GLIS3: variants seen among roughly 807,000 people sequenced by gnomAD.
GLIS3 encodes zinc finger protein GLIS3.
Under a neutral mutation model 78.6 loss-of-function variants are expected in GLIS3, and 53 were observed. The observed-to-expected ratio is 0.67, with a 90% CI of 0.54 to 0.85. The LOEUF (loss-of-function observed/expected upper bound fraction) is 0.85, where lower values mean the gene tolerates loss of function less well. Ranked by LOEUF, GLIS3 falls within the 40% of genes least tolerant of loss-of-function variation. GLIS3 has a pLI of 0.00. For synonymous variants in GLIS3, 684 were observed against 509.9 expected (o/e 1.34, Z -4.60); for missense variants, 1,703 against 1,231.1 (o/e 1.38, Z -5.74).
chr9:4,016,029 G>T (rs1190107325), intron 4 of GLIS3, among the ~76,000 whole-genome samples: 1 of 151,950 alleles, frequency 6.6e-6, no homozygotes, highest in Non-Finnish European at 1.5e-5. Context: ...TTCAAAGGTT[G>T]TTTGTGGAAG....
chr9:4,123,507 A>G (rs765965425), intron 3 of GLIS3, among the ~76,000 whole-genome samples: 10 of 152,294 alleles, frequency 6.6e-5, no homozygotes, highest in Non-Finnish European at 1.5e-4. Context: ...AATGGGAAAC[A>G]ACTAAGTGCC....
At chr9:4,123,658 A>T (rs1374352603) in intron 3 of GLIS3, 1 of 390,058 alleles carries the variant, frequency 2.6e-6, no homozygotes, top group Non-Finnish European at 4.5e-6. Flanking sequence ...TTAACTGGAA[A>T]AAAGTAATTA....
chr9:4,446,945 A>G, the GLIS3 span, among the ~76,000 whole-genome samples: 1 of 152,108 alleles, frequency 6.6e-6, no homozygotes, highest in Non-Finnish European at 1.5e-5. Flanking sequence ...ACAAACACAT[A>G]CACCAATTTT....
chr9:4,068,834 A>ATG (rs56232754), intron 4 of GLIS3, among the ~76,000 whole-genome samples: 45,724 of 149,616 alleles, frequency 0.31, 7,135 homozygotes, highest in East Asian at 0.39. Flanking sequence ...GCATGTATGC[A>ATG]TGTGTGTGTG....
At chr9:3,866,277 C>T (rs963266339) in intron 8 of GLIS3, among the ~76,000 whole-genome samples, 1 of 152,106 alleles carries the variant, frequency 6.6e-6, no homozygotes, top group African/African-American at 2.4e-5. Context: ...AGTAAACAAA[C>T]AGTGCAATTT....
At chr9:3,948,943 A>G (rs1816486149) in intron 4 of GLIS3, among the ~76,000 whole-genome samples, 2 of 152,190 alleles carry the variant, frequency 1.3e-5, no homozygotes, top group African/African-American at 4.8e-5. Context: ...AAATTATCTA[A>G]TATTATGGTT....
chr9:4,166,685 T>A (rs957030345), intron 2 of GLIS3, among the ~76,000 whole-genome samples: 1 of 152,236 alleles, frequency 6.6e-6, no homozygotes, highest in Non-Finnish European at 1.5e-5. Flanking sequence ...CGGTGTTCTA[T>A]AATTTCACTT....
rs930293766 is a variant in GLIS3, at chr9:4,006,238, C to A, written c.1711-69049G>T. Among the ~76,000 whole-genome samples the A allele has an allele frequency of 2.3e-5, 3 of 132,932 alleles. No individual in the cohort carries two copies. The South Asian group carries it at 7.3e-4, about 32-fold the overall frequency. 87.2% of individuals were successfully genotyped at this position (132,932 alleles called of 152,430 possible). Reference sequence around the variant, plus strand: ...CTCCTTGCCTTGCCTGACAGGTAAACAGCATGAGAGCTCCTTTTACAGATT... The same window carrying A: ...CTCCTTGCCTTGCCTGACAGGTAAAAAGCATGAGAGCTCCTTTTACAGATT... On this transcript the variant is annotated intron_variant, in intron 4 of 10. Transcript: ENST00000381971.
At chr9:4,190,296 C>T (rs201143196) in intron 2 of GLIS3, among the ~76,000 whole-genome samples, 8 of 151,974 alleles carry the variant, frequency 5.3e-5, no homozygotes, top group African/African-American at 1.2e-4. Context: ...AAATTTTAGA[C>T]GAATGTATAA....
At chr9:4,032,845 A>AT (rs764100381) in intron 4 of GLIS3, among the ~76,000 whole-genome samples, 23 of 151,242 alleles carry the variant, frequency 1.5e-4, no homozygotes, top group Non-Finnish European at 2.8e-4. Flanking sequence ...GCCAAGTGGA[A>AT]TTGAGAATTC....
the GLIS3 span, among the ~76,000 whole-genome samples, chr9:4,393,876 A>T: frequency 2.6e-5 from 4 of 152,098 alleles, no homozygotes; most frequent in Non-Finnish European, 5.9e-5. Flanking sequence ...TTTTAATCTG[A>T]TTCTCTTTTT....
Position 4,051,198 on chromosome 9 carries a change from G to A in GLIS3, c.1710+66570C>T, listed in dbSNP as rs148460809. Among the ~76,000 whole-genome samples the A allele has an allele frequency of 3.1e-3, 470 of 152,276 alleles. 3 individuals carry two copies. Among genetic ancestry groups the A allele is most frequent in the African/African-American group, 0.011 (455 of 41,560 alleles). On this transcript the variant is annotated intron_variant, in intron 4 of 10. Coordinates refer to ENST00000381971, the MANE Select transcript of GLIS3 (RefSeq NM_001042413.2). Reference sequence around the variant, plus strand: ...GCAGACTAAGCCTCTCTTCTCTCACGTGTGTGTTTATGAGGAAATTCAAAC... The same window carrying A: ...GCAGACTAAGCCTCTCTTCTCTCACATGTGTGTTTATGAGGAAATTCAAAC...
chr9:4,142,758 C>T (rs1239232943), intron 2 of GLIS3, among the ~76,000 whole-genome samples: 2 of 152,146 alleles, frequency 1.3e-5, no homozygotes, highest in African/African-American at 4.8e-5. Context: ...GACTGTTAGA[C>T]ATTAATCTCA....
At chr9:4,020,916 C>G (rs1053086166) in intron 4 of GLIS3, among the ~76,000 whole-genome samples, 1 of 152,164 alleles carries the variant, frequency 6.6e-6, no homozygotes, top group African/African-American at 2.4e-5. Flanking sequence ...CAACTTCCAC[C>G]TGCACACAGT....
In GLIS3 at chr9:3,832,186, A is replaced by G. The variant is rs191167016; in HGVS notation, c.2474-2694T>C. ...TGAGTTAATACTTACATATTATACAATTTTATAATTAGCATTTATATAATA... is the reference window on the plus strand; with the variant it reads ...TGAGTTAATACTTACATATTATACAGTTTTATAATTAGCATTTATATAATA... On this transcript the variant is annotated intron_variant, in intron 9 of 10. Transcript: ENST00000381971. Among the ~76,000 whole-genome samples, 323 of 150,202 alleles carry G rather than the reference A, an allele frequency of 2.2e-3. 1 individual carries two copies. Among genetic ancestry groups the G allele is most frequent in the South Asian group, 7.7e-3 (37 of 4,792 alleles).
At chr9:4,157,144 T>G (rs991222790) in intron 2 of GLIS3, among the ~76,000 whole-genome samples, 5 of 152,206 alleles carry the variant, frequency 3.3e-5, no homozygotes, top group African/African-American at 1.2e-4. Context: ...CGTGCGGTAA[T>G]TATAAGCTAT....
chr9:4,235,229 G>C (rs1042337956), intron 2 of GLIS3, among the ~76,000 whole-genome samples: 75 of 150,912 alleles, frequency 5.0e-4, no homozygotes, highest in African/African-American at 1.7e-3. Flanking sequence ...AACCCGGGAG[G>C]CGGAGGTTGC....
intron 2 of GLIS3, among the ~76,000 whole-genome samples, chr9:4,268,346 T>C (rs1338630330): frequency 1.3e-5 from 2 of 152,128 alleles, no homozygotes; most frequent in Non-Finnish European, 2.9e-5. Context: ...GCATCTACCA[T>C]ATCATAAGTG....
chr9:4,355,550 C>T, the GLIS3 span, among the ~76,000 whole-genome samples: 25 of 152,304 alleles, frequency 1.6e-4, no homozygotes, highest in East Asian at 4.8e-3. Flanking sequence ...CTCCTAGTGA[C>T]ACCTCATAGC....
Sources: allele counts gnomAD v4.1 joint callset (sites outside exome capture counted in the v4.1 genomes callset), GRCh38; gene constraint gnomAD v4.1.1; transcripts MANE v1.5; gene names NCBI Gene and HGNC (gene_info 2026-07-23, HGNC 2026-07-21).